The following HIPK3 variants were observed in gnomAD, a reference collection of about 807,000 sequenced individuals.
HIPK3 encodes homeodomain-interacting protein kinase 3.
Under a neutral mutation model 124.2 loss-of-function variants are expected in HIPK3, and 47 were observed. The observed-to-expected ratio is 0.38, with a 90% CI of 0.30 to 0.48. The LOEUF is 0.48. HIPK3 is among the 20% of genes least tolerant of loss of function. HIPK3 has a pLI of 0.98. For missense variants in HIPK3, 1,286 were observed against 1,454.3 expected (o/e 0.88, Z 1.88); for synonymous variants, 482 against 515.2 (o/e 0.94, Z 0.87).
chr11:33,332,722 G>GACCC (rs1853023614), intron 3 of HIPK3, among the ~76,000 whole-genome samples: 1 of 152,158 alleles, frequency 6.6e-6, no homozygotes, highest in South Asian at 2.1e-4. Context: ...TTAGCAAAGA[G>GACCC]ACCCACACAA....
At position 33,281,058 on chromosome 11, in the gene HIPK3, CTTTTTTT is replaced by C. The variant is rs56902582; in HGVS notation, c.-2-5332_-2-5326del. On this transcript the variant is annotated intron_variant, in intron 1 of 16. Transcript: ENST00000303296. ...TTTATGTGTATATTTACTTATTTGA[CTTTTTTT>C]TTTTTTTTTTTTTTTTTTTTTTAAG... 3.9e-3 allele frequency among the ~76,000 whole-genome samples: 436 copies of C among 111,768 alleles called. 3 individuals carry two copies. Among genetic ancestry groups the C allele is most frequent in the African/African-American group, 8.4e-3 (239 of 28,302 alleles). The allele number at this position is 111,768 out of a possible 152,430, so 73.3% of individuals were successfully genotyped here.
intron 2 of HIPK3, among the ~76,000 whole-genome samples, chr11:33,311,867 C>CACACACAT (rs1454437759): frequency 2.1e-5 from 3 of 145,332 alleles, no homozygotes; most frequent in African/African-American, 7.6e-5. Context: ...CACACACACA[C>CACACACAT]ACTACACACA....
At chr11:33,277,702 G>A (rs544543349) in intron 1 of HIPK3, among the ~76,000 whole-genome samples, 1 of 152,262 alleles carries the variant, frequency 6.6e-6, no homozygotes, top group South Asian at 2.1e-4. Context: ...ATACACCTGG[G>A]AGAAGAATTG....
intron 1 of HIPK3, among the ~76,000 whole-genome samples, 190 bp downstream of exon 1, chr11:33,258,079 A>G (rs1182770892): frequency 1.3e-5 from 2 of 151,896 alleles, no homozygotes; most frequent in Non-Finnish European, 2.9e-5. Flanking sequence ...TTTCCGCCCT[A>G]GCCCCTGCAG....
At chr11:33,258,199 G>GGGGGGGGCCC in intron 1 of HIPK3, 1 of 636,594 alleles carries the variant, frequency 1.6e-6, no homozygotes, top group Non-Finnish European at 2.0e-6. Flanking sequence ...GGGCCCGGGG[G>GGGGGGGGCCC]CCTCGGCCCC....
intron 2 of HIPK3, among the ~76,000 whole-genome samples, chr11:33,293,731 G>A (rs1393014141): frequency 6.6e-6 from 1 of 152,042 alleles, no homozygotes; most frequent in Non-Finnish European, 1.5e-5. Context: ...CTGTAATATG[G>A]TCCAAGATTA....
chr11:33,342,456 A>G (rs933608546), intron 8 of HIPK3, among the ~76,000 whole-genome samples: 2 of 152,232 alleles, frequency 1.3e-5, no homozygotes, highest in African/African-American at 4.8e-5. Context: ...TTTCAATTAC[A>G]TTAATGTCCC....
intron 2 of HIPK3, among the ~76,000 whole-genome samples, chr11:33,309,130 A>G (rs1218775004): frequency 6.6e-6 from 1 of 151,992 alleles, no homozygotes; most frequent in African/African-American, 2.4e-5. Context: ...AAAGGGAGGG[A>G]TTATCTTTTT....
chr11:33,315,261 C>T (rs1852465612), intron 2 of HIPK3, among the ~76,000 whole-genome samples: 1 of 152,174 alleles, frequency 6.6e-6, no homozygotes, highest in Admixed American at 6.5e-5. Context: ...GAATCTTGCT[C>T]TGTTACCCAG....
intron 6 of HIPK3, among the ~76,000 whole-genome samples, chr11:33,340,742 T>C (rs955583198): frequency 2.6e-5 from 4 of 152,156 alleles, no homozygotes; most frequent in Non-Finnish European, 5.9e-5. Context: ...TTACTGTGGT[T>C]TTACTGTTTT....
Position 33,257,568 on chromosome 11 carries a change from C to T in HIPK3, c.-324C>T, listed in dbSNP as rs978739580. On this transcript the variant is annotated 5_prime_UTR_variant, in exon 1 of 17. Coordinates refer to ENST00000303296, the MANE Select transcript of HIPK3 (RefSeq NM_005734.5). The stretch of plus-strand genomic sequence containing the variant: ...CCCGTAGGCCCCAGTAGCCGGAGGC[C>T]GACCGGCCTCCCACTACCCCTCGCC... 72 of 985,786 alleles carry T rather than the reference C, an allele frequency of 7.3e-5. No individual in the cohort carries two copies. The highest frequency in any genetic ancestry group is 3.0e-4 in the African/African-American group (17 of 57,350). 61.1% of individuals were successfully genotyped at this position (985,786 alleles called of 1,614,324 possible).
chr11:33,287,996 G>A (rs1369473881), intron 2 of HIPK3, among the ~76,000 whole-genome samples: 4 of 152,020 alleles, frequency 2.6e-5, no homozygotes, highest in Admixed American at 6.6e-5. Flanking sequence ...AGATTTTTCC[G>A]GATTTTGGAA....
chr11:33,348,329 G>A (rs906277308), intron 12 of HIPK3, 101 bp downstream of exon 12: 14 of 1,115,236 alleles, frequency 1.3e-5, no homozygotes, highest in Non-Finnish European at 1.8e-5. Flanking sequence ...CTATTTAAAT[G>A]TATGTAAATG....
intron 2 of HIPK3, among the ~76,000 whole-genome samples, chr11:33,319,401 CA>C (rs1765279568): frequency 6.6e-6 from 1 of 151,182 alleles, no homozygotes; most frequent in South Asian, 2.1e-4. Context: ...GAGGCTGAGG[CA>C]GGAGAATTGC....
intron 2 of HIPK3, among the ~76,000 whole-genome samples, chr11:33,315,046 G>C (rs1852456916): frequency 6.6e-6 from 1 of 152,154 alleles, no homozygotes; most frequent in African/African-American, 2.4e-5. Context: ...GTGTATATAT[G>C]AGCTGTGATA....
intron 1 of HIPK3, among the ~76,000 whole-genome samples, chr11:33,283,673 CT>C (rs112335178): frequency 7.9e-4 from 114 of 143,956 alleles, no homozygotes; most frequent in South Asian, 5.3e-3. Flanking sequence ...CTTCAGTTTT[CT>C]TTTTTTTTTT....
chr11:33,274,670 T>A (rs1851225343), intron 1 of HIPK3, among the ~76,000 whole-genome samples: 1 of 152,224 alleles, frequency 6.6e-6, no homozygotes, highest in African/African-American at 2.4e-5. Context: ...ATATAGCTTT[T>A]AAAAATCTAG....
At chr11:33,341,189 T>C (rs530175769) in intron 7 of HIPK3, 62 bp downstream of exon 7, 25 of 1,220,406 alleles carry the variant, frequency 2.0e-5, no homozygotes, top group Middle Eastern at 2.2e-4. Context: ...ATTTTACTTT[T>C]GATATATACA....
chr11:33,265,547 G>A (rs1850931335), intron 1 of HIPK3, among the ~76,000 whole-genome samples: 1 of 151,828 alleles, frequency 6.6e-6, no homozygotes, highest in Non-Finnish European at 1.5e-5. Context: ...GCTGTGGTGT[G>A]TGGATCGCTT....
Sources: gnomAD v4.1 joint callset for allele counts (sites outside exome capture counted in the v4.1 genomes callset) on GRCh38, gnomAD v4.1.1 for gene constraint, MANE v1.5 for transcripts, NCBI Gene and HGNC (gene_info 2026-07-23, HGNC 2026-07-21) for gene names.